The following DEF6 variants were observed in gnomAD, a reference collection of about 807,000 sequenced individuals.
DEF6 encodes DEF6 guanine nucleotide exchange factor, also known as differentially expressed in FDCP 6 homolog.
In DEF6, 32 loss-of-function variants were observed where a neutral mutation model predicts 80.5. The observed-to-expected ratio is 0.40, with a 90% CI of 0.30 to 0.53. DEF6 has a LOEUF of 0.53. Ranked by LOEUF, DEF6 falls within the 20% of genes least tolerant of loss-of-function variation. The probability of loss-of-function intolerance (pLI) is 0.57; values close to 1 mark genes in which losing one functional copy is unlikely to be tolerated. For missense variants in DEF6, 575 were observed against 818.7 expected (o/e 0.70, Z 3.63); for synonymous variants, 300 against 337.9 (o/e 0.89, Z 1.23).
intron 5 of DEF6, 128 bp from the exon 6 acceptor site, chr6:35,317,763 C>T (rs754871923): frequency 2.0e-5 from 14 of 694,282 alleles, no homozygotes; most frequent in African/African-American, 1.1e-4. Context: ...CATGCAGGCT[C>T]CTGGCAGAGT....
At chr6:35,315,345 C>T (rs1315504790) in intron 5 of DEF6, among the ~76,000 whole-genome samples, 4 of 152,130 alleles carry the variant, frequency 2.6e-5, no homozygotes, top group South Asian at 2.1e-4. Context: ...TGTGTACCAC[C>T]GTGGCCAGTT....
intron 1 of DEF6, among the ~76,000 whole-genome samples, chr6:35,299,890 G>C (rs754544729): frequency 2.0e-5 from 3 of 152,148 alleles, no homozygotes; most frequent in Non-Finnish European, 4.4e-5. Context: ...GGGGATTCCA[G>C]CAAAGCAAAG....
Position 35,312,548 on chromosome 6 carries a change from G to A in DEF6, c.660+10G>A. ...AGATGTCCTGAAGCAGGTCAGGCAA[G>A]CTGGGAACTAGGGGAAGCACACAAG... On this transcript the variant is annotated intron_variant, in intron 4 of 10. Coordinates refer to ENST00000316637, the MANE Select transcript of DEF6 (RefSeq NM_022047.4). The surrounding 1 kb of genome is among the most constrained non-coding windows in gnomAD (Gnocchi z 6.6). 6.2e-7 allele frequency: 1 copy of A among 1,614,056 alleles called. No homozygotes were observed. The highest frequency in any genetic ancestry group is 8.5e-7 in the Non-Finnish European group (1 of 1,179,942).
chr6:35,319,466 C>A lies in DEF6; in HGVS notation c.1216-58C>A. ...AGCAACATGCCCACCCCCTCCTCCT[C>A]CGCCCCCACGTGCCCCTTTTGACCT... is the stretch of plus-strand genomic sequence containing the variant. On this transcript the variant is annotated intron_variant, in intron 7 of 10. Coordinates refer to ENST00000316637, the MANE Select transcript of DEF6 (RefSeq NM_022047.4). The surrounding 1 kb of genome is among the most constrained non-coding windows in gnomAD (Gnocchi z 4.5). 2 of 1,372,294 alleles carry A rather than the reference C, an allele frequency of 1.5e-6. No individual in the cohort carries two copies. Among genetic ancestry groups the A allele is most frequent in the Non-Finnish European group, 2.0e-6 (2 of 995,464 alleles). 85.0% of individuals were successfully genotyped at this position (1,372,294 alleles called of 1,614,324 possible).
rs1215995933 is a variant in DEF6 at position 35,318,623 on chromosome 6, C to T, written c.1215+152C>T. On this transcript the variant is annotated intron_variant, in intron 7 of 10. Coordinates refer to ENST00000316637, the MANE Select transcript of DEF6 (RefSeq NM_022047.4). This position sits in a 1 kb window ranked among gnomAD's most constrained non-coding sequence, Gnocchi z 5.1. The stretch of plus-strand genomic sequence containing the variant: ...AGCTTGAAATGAGGGATTGTTGGGA[C>T]AGAGTCCGCGGGTTTGAAAAAGAGA... The T allele has an allele frequency of 2.7e-6, 2 of 752,122 alleles. No individual in the cohort carries two copies. Among genetic ancestry groups the T allele is most frequent in the Non-Finnish European group, 3.7e-6 (2 of 534,548 alleles). The allele number at this position is 752,122 out of a possible 1,614,324, so 46.6% of individuals were successfully genotyped here. A position where few individuals can be genotyped will look rare whatever the true frequency, so the allele number is the denominator to read the frequency against.
chr6:35,312,556 C>T lies in DEF6; in HGVS notation c.660+18C>T. 1 of 1,613,958 alleles carries T rather than the reference C, an allele frequency of 6.2e-7. No individual in the cohort carries two copies. On this transcript the variant is annotated intron_variant, in intron 4 of 10. Transcript: ENST00000316637. The surrounding 1 kb of genome is among the most constrained non-coding windows in gnomAD (Gnocchi z 6.6). The stretch of plus-strand genomic sequence containing the variant: ...TGAAGCAGGTCAGGCAAGCTGGGAA[C>T]TAGGGGAAGCACACAAGGTGCAGGG...
At chr6:35,298,176 G>C (rs968003526) in intron 1 of DEF6, among the ~76,000 whole-genome samples, 10 of 152,298 alleles carry the variant, frequency 6.6e-5, no homozygotes, top group African/African-American at 2.4e-4. Context: ...GAAACCTTGC[G>C]CAGAACTGGG....
At chr6:35,317,391 T>A (rs138259767) in intron 5 of DEF6, among the ~76,000 whole-genome samples, 2 of 152,336 alleles carry the variant, frequency 1.3e-5, no homozygotes, top group African/African-American at 4.8e-5. Context: ...GACTCTAGAA[T>A]GTGGTAGCTA....
At chr6:35,311,924 C>T (rs1791473579) in intron 3 of DEF6, among the ~76,000 whole-genome samples, 1 of 152,144 alleles carries the variant, frequency 6.6e-6, no homozygotes, top group Non-Finnish European at 1.5e-5. Flanking sequence ...AGTCACTTCC[C>T]CCTTTGGGCT....
intron 1 of DEF6, among the ~76,000 whole-genome samples, chr6:35,307,805 G>A (rs937243690): frequency 1.3e-5 from 2 of 152,124 alleles, no homozygotes; most frequent in Admixed American, 6.5e-5. Flanking sequence ...AGGACACTGA[G>A]GCAAAGTCTC....
Position 35,318,330 on chromosome 6 carries a change from G to A in DEF6, c.1074G>A (p.Glu358=), listed in dbSNP as rs1335807264. 10 of 1,546,110 alleles carry A rather than the reference G, an allele frequency of 6.5e-6. No individual in the cohort carries two copies. The highest frequency in any genetic ancestry group is 7.8e-6 in the Non-Finnish European group (9 of 1,146,926). The part of the protein sequence containing the change: ...LRLQQLQEEK[E]RKLQELELLQ... The stretch of plus-strand genomic sequence containing the variant: ...TGCAGCAGCTGCAGGAGGAGAAGGA[G>A]CGGAAGCTGCAGGAGCTGGAGCTGC... The change falls in exon 7 of 11, where the codon GAG becomes GAA. Residue 358 remains glutamate (E), a synonymous_variant. Transcript: ENST00000316637. This position sits in a 1 kb window ranked among gnomAD's most constrained non-coding sequence, Gnocchi z 5.1.
chr6:35,310,768 T>C, intron 3 of DEF6, 124 bp downstream of exon 3: 1 of 994,372 alleles, frequency 1.0e-6, no homozygotes, highest in South Asian at 1.5e-5. Context: ...CATCTTCCCA[T>C]GCTGGTATCT....
At chr6:35,301,066 G>C (rs1303160143) in intron 1 of DEF6, among the ~76,000 whole-genome samples, 1 of 152,128 alleles carries the variant, frequency 6.6e-6, no homozygotes, top group East Asian at 1.9e-4. Context: ...GTAGACAGGG[G>C]CCTTCCAGTC....
At chr6:35,314,195 G>A (rs1791499609) in intron 5 of DEF6, among the ~76,000 whole-genome samples, 2 of 152,100 alleles carry the variant, frequency 1.3e-5, no homozygotes, top group Non-Finnish European at 2.9e-5. Context: ...ATCACCTGAG[G>A]TTGGGAGTTT....
At chr6:35,320,065 T>A in intron 9 of DEF6, 48 bp downstream of exon 9, 2 of 1,528,164 alleles carry the variant, frequency 1.3e-6, no homozygotes, top group Non-Finnish European at 1.8e-6. Flanking sequence ...GTGAGCTCAT[T>A]AGGGCACAGG....
rs1372850368 is a variant in DEF6 at position 35,297,849 on chromosome 6, C to T, written c.-8C>T. 1 of 1,589,284 alleles carries T rather than the reference C, an allele frequency of 6.3e-7. No homozygotes were observed. The highest frequency in any genetic ancestry group is 2.3e-5 in the East Asian group (1 of 44,092). Reference sequence around the variant, plus strand: ...AGAGCCGCCCCCAGCCGGGCGGGCGCCTCAGCCATGGCCCTGCGCAAGGAA... The same window carrying T: ...AGAGCCGCCCCCAGCCGGGCGGGCGTCTCAGCCATGGCCCTGCGCAAGGAA... On this transcript the variant is annotated 5_prime_UTR_variant, in exon 1 of 11. Transcript: ENST00000316637.
Position 35,312,653 on chromosome 6 carries a change from A to G in DEF6, c.688A>G (p.Arg230Gly). The change falls in exon 5 of 11, where the codon AGA (arginine) becomes GGA (glycine). Residue 230 changes from arginine (R) to glycine (G), a missense_variant. By Grantham distance (125) the Arg-to-Gly change is moderately radical (BLOSUM62 -2). Coordinates refer to ENST00000316637, the MANE Select transcript of DEF6 (RefSeq NM_022047.4). This position sits in a 1 kb window ranked among gnomAD's most constrained non-coding sequence, Gnocchi z 6.6. ...QGYLWKRGHL[R>G]RNWAERWFQL... is the part of the protein sequence containing the mutation. Reference sequence around the variant, plus strand: ...CTACCTGTGGAAGCGAGGGCACCTGAGAAGGAACTGGGCCGAACGCTGGTT... The same window carrying G: ...CTACCTGTGGAAGCGAGGGCACCTGGGAAGGAACTGGGCCGAACGCTGGTT... 6.2e-7 allele frequency: 1 copy of G among 1,614,152 alleles called. No individual in the cohort carries two copies. The highest frequency in any genetic ancestry group is 2.2e-5 in the East Asian group (1 of 44,884).
intron 2 of DEF6, among the ~76,000 whole-genome samples, chr6:35,310,082 C>T (rs1562148386): frequency 6.6e-6 from 1 of 152,094 alleles, no homozygotes; most frequent in Non-Finnish European, 1.5e-5. Context: ...CCCGGCCCTC[C>T]TCCAGCTTCC....
chr6:35,320,460 C>T (rs1791577569), intron 9 of DEF6, among the ~76,000 whole-genome samples: 1 of 152,142 alleles, frequency 6.6e-6, no homozygotes, highest in East Asian at 1.9e-4. Flanking sequence ...CTGCTAATGG[C>T]TCCGTGAAAT....
Sources: allele counts gnomAD v4.1 joint callset (sites outside exome capture counted in the v4.1 genomes callset), GRCh38; gene constraint gnomAD v4.1.1; non-coding constraint Gnocchi (gnomAD v3.1); transcripts MANE v1.5; gene names NCBI Gene and HGNC (gene_info 2026-07-23, HGNC 2026-07-21).